PTPRD: variants seen among roughly 807,000 people sequenced by gnomAD.
The protein encoded by PTPRD is protein tyrosine phosphatase receptor type D.
PTPRD carries 34 observed loss-of-function variants against 214.5 expected under a neutral mutation model. The observed-to-expected ratio is 0.16, with a 90% CI of 0.12 to 0.21. The LOEUF (loss-of-function observed/expected upper bound fraction) is 0.21. PTPRD is among the 10% of genes least tolerant of loss of function. The pLI is 1.00. For synonymous variants in PTPRD, 1,128 were observed against 845.7 expected (o/e 1.33, Z -5.79); for missense variants, 2,545 against 2,398.7 (o/e 1.06, Z -1.27).
rs116847524 is a variant in PTPRD at position 10,265,512 on chromosome 9, A to T, written c.-545+75451T>A. ...GAGCTAACAAATGCTTGTTGTTTTA[A>T]GCCAGGGATGCAAAAACTTACTCTG... On this transcript the variant is annotated intron_variant, in intron 3 of 45. Coordinates refer to ENST00000381196, the MANE Select transcript of PTPRD (RefSeq NM_002839.4). Among the ~76,000 whole-genome samples the T allele has an allele frequency of 3.3e-3, 497 of 152,334 alleles. 7 individuals are homozygous for T. Among genetic ancestry groups the T allele is most frequent in the East Asian group, 0.031 (162 of 5,176 alleles).
intron 45 of PTPRD, among the ~76,000 whole-genome samples, chr9:8,319,015 T>C (rs1420541349): frequency 3.9e-5 from 6 of 152,118 alleles, no homozygotes; most frequent in South Asian, 2.1e-4. Context: ...AGTAAGTTGC[T>C]TGGCTGAGTG....
rs187781999 is a variant in PTPRD, at chr9:9,520,593, G to A, written c.-237+54139C>T. 2.7e-3 allele frequency among the ~76,000 whole-genome samples: 414 copies of A among 152,160 alleles called. 1 individual carries two copies. The highest frequency in any genetic ancestry group is 5.0e-3 in the Non-Finnish European group (338 of 68,016). On this transcript the variant is annotated intron_variant, in intron 8 of 45. Transcript: ENST00000381196. ...TTGCTTCACAATAACTTTCAAAGGC[G>A]CAGACTAATTTTGAAGGAATATGGT...
intron 5 of PTPRD, among the ~76,000 whole-genome samples, chr9:9,834,058 A>G (rs954279303): frequency 6.6e-5 from 10 of 152,114 alleles, no homozygotes; most frequent in South Asian, 4.1e-4. Context: ...TGGGGAAGTG[A>G]TAAGTGTCCA....
At chr9:10,394,208 T>C (rs1356009695) in intron 2 of PTPRD, among the ~76,000 whole-genome samples, 3 of 144,066 alleles carry the variant, frequency 2.1e-5, no homozygotes, top group African/African-American at 5.2e-5. Context: ...AAAGATAATA[T>C]ATAATATATA....
chr9:8,810,438 T>C (rs1253645300), intron 11 of PTPRD, among the ~76,000 whole-genome samples: 1 of 152,132 alleles, frequency 6.6e-6, no homozygotes, highest in Non-Finnish European at 1.5e-5. Context: ...GCTTTTAGCG[T>C]CTGAGTGGAT....
chr9:9,778,113 T>A (rs2098813004), intron 5 of PTPRD, among the ~76,000 whole-genome samples: 1 of 152,002 alleles, frequency 6.6e-6, no homozygotes, highest in Admixed American at 6.6e-5. Flanking sequence ...TAAACTACCA[T>A]AATATGGGCA....
At chr9:10,199,374 A>G (rs186834532) in intron 3 of PTPRD, among the ~76,000 whole-genome samples, 1 of 152,212 alleles carries the variant, frequency 6.6e-6, no homozygotes. Context: ...ACTTGTCCAC[A>G]ATCAGTATTA....
chr9:10,246,116 T>C (rs1265474931), intron 3 of PTPRD, among the ~76,000 whole-genome samples: 15 of 152,166 alleles, frequency 9.9e-5, no homozygotes, highest in Non-Finnish European at 1.9e-4. Context: ...GTTAAAAGAA[T>C]AATCCAACTC....
chr9:9,004,292 G>A (rs927003847), intron 11 of PTPRD, among the ~76,000 whole-genome samples: 1 of 151,678 alleles, frequency 6.6e-6, no homozygotes, highest in African/African-American at 2.4e-5. Context: ...ATATCTCCAA[G>A]GTATATATAA....
At chr9:10,451,967 C>T (rs1257711383) in intron 2 of PTPRD, among the ~76,000 whole-genome samples, 2 of 151,880 alleles carry the variant, frequency 1.3e-5, no homozygotes, top group South Asian at 2.1e-4. Flanking sequence ...AATATGAAAG[C>T]CTACCTCTGG....
chr9:10,228,326 A>G (rs1238302413), intron 3 of PTPRD, among the ~76,000 whole-genome samples: 1 of 152,010 alleles, frequency 6.6e-6, no homozygotes, highest in African/African-American at 2.4e-5. Context: ...GTCAACTAGA[A>G]AAGGCACTTT....
intron 2 of PTPRD, among the ~76,000 whole-genome samples, chr9:10,516,503 T>G (rs1321109398): frequency 6.6e-6 from 1 of 151,992 alleles, no homozygotes; most frequent in African/African-American, 2.4e-5. Flanking sequence ...TTGCAAATAT[T>G]TTCTCCAACT....
intron 3 of PTPRD, among the ~76,000 whole-genome samples, chr9:10,234,215 TAATA>T (rs886731023): frequency 1.4e-4 from 21 of 151,588 alleles, no homozygotes; most frequent in African/African-American, 4.6e-4. Context: ...ATTAATTAAT[TAATA>T]AATAATTAAT....
At chr9:9,382,129 T>C (rs1490750388) in intron 9 of PTPRD, among the ~76,000 whole-genome samples, 1 of 150,804 alleles carries the variant, frequency 6.6e-6, no homozygotes, top group African/African-American at 2.4e-5. Context: ...TATTTTACTC[T>C]TTTTTGTGCT....
intron 11 of PTPRD, among the ~76,000 whole-genome samples, chr9:8,841,431 ATTT>A (rs889032444): frequency 3.3e-5 from 5 of 151,996 alleles, no homozygotes; most frequent in African/African-American, 9.7e-5. Flanking sequence ...AACAAGCTTT[ATTT>A]TTTTTAATTA....
chr9:9,519,275 G>A (rs2096908499), intron 8 of PTPRD, among the ~76,000 whole-genome samples: 1 of 143,284 alleles, frequency 7.0e-6, no homozygotes. Flanking sequence ...TGGCCTCAGT[G>A]GCCATATAAA....
At chr9:9,778,908 C>A (rs1279129865) in intron 5 of PTPRD, among the ~76,000 whole-genome samples, 2 of 151,024 alleles carry the variant, frequency 1.3e-5, no homozygotes, top group African/African-American at 4.9e-5. Flanking sequence ...AAAAGCAATC[C>A]TAAGTAAAAA....
chr9:10,172,298 T>G (rs866382639), intron 3 of PTPRD, among the ~76,000 whole-genome samples: 1 of 152,194 alleles, frequency 6.6e-6, no homozygotes, highest in Non-Finnish European at 1.5e-5. Flanking sequence ...CTACCTCTTA[T>G]AAATGTTCAT....
At chr9:9,512,357 C>A (rs1036887880) in intron 8 of PTPRD, among the ~76,000 whole-genome samples, 1 of 151,698 alleles carries the variant, frequency 6.6e-6, no homozygotes, top group Non-Finnish European at 1.5e-5. Context: ...TTTTAAAAGG[C>A]TTCTAAGCAA....
Sources: allele counts gnomAD v4.1 joint callset (sites outside exome capture counted in the v4.1 genomes callset), GRCh38; gene constraint gnomAD v4.1.1; transcripts MANE v1.5; gene names NCBI Gene and HGNC (gene_info 2026-07-23, HGNC 2026-07-21).